Variants in PNPLA1 observed in about 807,000 individuals in gnomAD.
PNPLA1 encodes omega-hydroxyceramide transacylase.
PNPLA1 carries 36 observed loss-of-function variants against 51.7 expected under a neutral mutation model. The observed-to-expected ratio is 0.70, with a 90% CI of 0.53 to 0.92. The LOEUF is 0.92. Among genes scored for constraint, PNPLA1 ranks in the 40% least tolerant of loss-of-function variants. PNPLA1 has a pLI of 0.00. For synonymous variants in PNPLA1, 293 were observed against 280.1 expected, an observed-to-expected ratio of 1.05 and a Z score of -0.46; for missense variants, 658 against 682.5, an observed-to-expected ratio of 0.96 and a Z score of 0.40.
At chr6:36,271,004 GCA>G (rs767395791) in intron 1 of PNPLA1, among the ~76,000 whole-genome samples, 5 of 152,134 alleles carry the variant, frequency 3.3e-5, no homozygotes, top group African/African-American at 1.2e-4. Context: ...CTACACCACG[GCA>G]CAGTCATACA....
intron 6 of PNPLA1, among the ~76,000 whole-genome samples, chr6:36,302,962 G>GT (rs1771114942): frequency 6.6e-6 from 1 of 152,200 alleles, no homozygotes; most frequent in Non-Finnish European, 1.5e-5. Context: ...CACGGAGGGT[G>GT]TGCAGAAATT....
chr6:36,276,377 T>G (rs1012543452), intron 1 of PNPLA1, among the ~76,000 whole-genome samples: 8 of 152,190 alleles, frequency 5.3e-5, no homozygotes, highest in Admixed American at 3.3e-4. Flanking sequence ...GAGGTGCAAC[T>G]TCTGGCGTGT....
rs1034916431 is a variant in PNPLA1 at position 36,294,444 on chromosome 6, A to G, written c.714+45A>G. The G allele has an allele frequency of 1.3e-6, 2 of 1,575,292 alleles. No individual in the cohort carries two copies. The highest frequency in any genetic ancestry group is 2.7e-5 in the African/African-American group (2 of 74,246). On this transcript the variant is annotated intron_variant, in intron 4 of 8. Transcript: ENST00000636260. This position sits in a 1 kb window ranked among gnomAD's most constrained non-coding sequence, Gnocchi z 4.2. ...TGGGGAGTAGCAGAAGGTACCAGGG[A>G]CTAGGGGTGGGGTTAGAGAGCCACT...
intron 5 of PNPLA1, among the ~76,000 whole-genome samples, chr6:36,300,178 TGAGAGAGAGAGAGAGA>T (rs71548136): frequency 3.1e-5 from 3 of 98,088 alleles, no homozygotes; most frequent in African/African-American, 6.7e-5. Context: ...TGTGTGTGTG[TGAGAGAGAGAGAGAGA>T]GAGAGAGAGA....
At chr6:36,281,343 A>G (rs548571015) in intron 1 of PNPLA1, among the ~76,000 whole-genome samples, 3 of 152,310 alleles carry the variant, frequency 2.0e-5, no homozygotes, top group South Asian at 4.1e-4. Flanking sequence ...AAAATTAGTT[A>G]TCTGAGATGG....
intron 1 of PNPLA1, among the ~76,000 whole-genome samples, chr6:36,284,206 TCAGCAGAAG>T (rs2127337367): frequency 6.6e-6 from 1 of 152,312 alleles, no homozygotes; most frequent in African/African-American, 2.4e-5. Context: ...AGGTGATGAA[TCAGCAGAAG>T]ACACTTCTGT....
At chr6:36,293,241 G>T in intron 3 of PNPLA1, 115 bp downstream of exon 3, 2 of 1,036,298 alleles carry the variant, frequency 1.9e-6, no homozygotes, top group Non-Finnish European at 2.9e-6. Flanking sequence ...AGGACCTAGA[G>T]TTGGAGAGTT....
At position 36,291,528 on chromosome 6, in the gene PNPLA1, C is replaced by T. The variant is rs1770681115; in HGVS notation, c.414C>T (p.Phe138=). The T allele has an allele frequency of 8.1e-6, 13 of 1,599,328 alleles. No homozygotes were observed. Among genetic ancestry groups the T allele is most frequent in the Non-Finnish European group, 1.1e-5 (13 of 1,173,032 alleles). ...GGGAGAATGTGGTGGTTTCAGAGTT[C>T]ACGTCCAAGGAGGAGCTCATTGAGG... ...TDGENVVVSE[F]TSKEELIEAL... Residue 138 remains phenylalanine, a synonymous_variant, in exon 2 of 9, where the codon TTC becomes TTT. Coordinates refer to ENST00000636260, the MANE Select transcript of PNPLA1 (RefSeq NM_001374623.1).
At chr6:36,282,092 G>GAAAGAAAGAAAGAAAGAAAA (rs59914317) in intron 1 of PNPLA1, among the ~76,000 whole-genome samples, 3 of 40,746 alleles carry the variant, frequency 7.4e-5, no homozygotes, top group Admixed American at 2.9e-4. Context: ...AAAGAAAGAA[G>GAAAGAAAGAAAGAAAGAAAA]GAAGGAAGGA....
intron 1 of PNPLA1, among the ~76,000 whole-genome samples, chr6:36,248,889 A>C (rs955981814): frequency 2.0e-5 from 3 of 152,142 alleles, no homozygotes; most frequent in African/African-American, 7.2e-5. Context: ...TCATCTTCTG[A>C]AAAAGGGGGG....
chr6:36,267,014 T>C (rs1270420406), upstream of PNPLA1, among the ~76,000 whole-genome samples: 3 of 152,182 alleles, frequency 2.0e-5, no homozygotes, highest in African/African-American at 7.2e-5. Flanking sequence ...CTTAAACTTA[T>C]GGGAAGTCCA....
At chr6:36,290,396 G>A (rs1423352432) in intron 1 of PNPLA1, among the ~76,000 whole-genome samples, 3 of 152,186 alleles carry the variant, frequency 2.0e-5, no homozygotes, top group Admixed American at 6.5e-5. Context: ...AGGAGCCTGG[G>A]CTCTGGGGTC....
intron 1 of PNPLA1, among the ~76,000 whole-genome samples, chr6:36,256,614 A>G (rs1345125135): frequency 1.3e-5 from 2 of 151,724 alleles, no homozygotes; most frequent in East Asian, 3.9e-4. Flanking sequence ...TGCCTGGCTA[A>G]TTTTTGTATT....
At chr6:36,257,629 G>T (rs1769558737) in intron 1 of PNPLA1, among the ~76,000 whole-genome samples, 1 of 152,202 alleles carries the variant, frequency 6.6e-6, no homozygotes. Context: ...TTGTTTATCT[G>T]CTGAGGTTTC....
chr6:36,284,458 C>A lies in PNPLA1; in HGVS notation c.206-6862C>A, dbSNP rs1480742523. 2.0e-5 allele frequency among the ~76,000 whole-genome samples: 3 copies of A among 152,122 alleles called. No individual in the cohort carries two copies. The East Asian group carries it at 5.8e-4, about 29-fold the overall frequency. On this transcript the variant is annotated intron_variant, in intron 1 of 8. Transcript: ENST00000636260. ...GTGAGTTTTCACATACATTCTAGTT[C>A]TATTTCTGCAAACAAAAACTGTGTG...
At chr6:36,287,063 A>G (rs1156998107) in intron 1 of PNPLA1, among the ~76,000 whole-genome samples, 2 of 152,162 alleles carry the variant, frequency 1.3e-5, no homozygotes, top group African/African-American at 4.8e-5. Context: ...ACAGTAATCA[A>G]TATTGTTAAC....
At chr6:36,291,592 C>CGG in intron 2 of PNPLA1, 40 bp downstream of exon 2, 2 of 105,202 alleles carry the variant, frequency 1.9e-5, no homozygotes, top group Admixed American at 1.4e-4. Flanking sequence ...ACGGAGGGGG[C>CGG]GGGGGAGGGC....
Position 36,293,086 on chromosome 6 carries a change from C to A in PNPLA1, c.464C>A (p.Pro155Gln), listed in dbSNP as rs766188849. 1 of 1,614,034 alleles carries A rather than the reference C, an allele frequency of 6.2e-7. No individual in the cohort carries two copies. Among genetic ancestry groups the A allele is most frequent in the Non-Finnish European group, 8.5e-7 (1 of 1,179,950 alleles). Reference protein sequence around the residue: ...IEALYCSCFVPVYCGLIPPTY... With the variant: ...IEALYCSCFVQVYCGLIPPTY... ...GCCCTATACTGCAGCTGCTTCGTCC[C>A]GGTGTACTGTGGCCTCATCCCCCCG... Residue 155 changes from proline to glutamine, a missense_variant, in exon 3 of 9, where the codon CCG becomes CAG. Physicochemically the swap from Pro to Gln is moderately conservative, Grantham distance 76 (BLOSUM62 -1). Transcript: ENST00000636260.
chr6:36,296,323 T>C (rs1275667399), intron 5 of PNPLA1, among the ~76,000 whole-genome samples: 1 of 152,190 alleles, frequency 6.6e-6, no homozygotes, highest in East Asian at 1.9e-4. Flanking sequence ...TTAGAATCAA[T>C]TATTTTCAGA....
Sources: gnomAD v4.1 joint callset for allele counts (sites outside exome capture counted in the v4.1 genomes callset) on GRCh38, gnomAD v4.1.1 for gene constraint, Gnocchi (gnomAD v3.1) non-coding constraint, MANE v1.5 for transcripts, NCBI Gene and HGNC (gene_info 2026-07-23, HGNC 2026-07-21) for gene names.